The following NAALADL2 variants were observed in gnomAD, a reference collection of about 807,000 sequenced individuals.
The protein encoded by NAALADL2 is N-acetylated alpha-linked acidic dipeptidase like 2.
In NAALADL2, 76 loss-of-function variants were observed where a neutral mutation model predicts 87.2. The ratio of observed to expected loss-of-function variants is 0.87; its 90% CI spans 0.72 to 1.05. The LOEUF (loss-of-function observed/expected upper bound fraction) is 1.05, where lower values mean the gene tolerates loss of function less well. Among genes scored for constraint, NAALADL2 ranks in the 50% least tolerant of loss-of-function variants. The pLI, the probability that NAALADL2 is intolerant of heterozygous loss-of-function variation, is 0.00. For synonymous variants in NAALADL2, 354 were observed against 331.0 expected, an observed-to-expected ratio of 1.07 and a Z score of -0.75; for missense variants, 1,089 against 945.8, an observed-to-expected ratio of 1.15 and a Z score of -1.99.
At chr3:175,642,625 C>T (rs1021820913) in intron 11 of NAALADL2, among the ~76,000 whole-genome samples, 1 of 151,970 alleles carries the variant, frequency 6.6e-6, no homozygotes, top group Non-Finnish European at 1.5e-5. Flanking sequence ...CTCAGCCTCC[C>T]GAGTAGCTGG....
intron 1 of NAALADL2, among the ~76,000 whole-genome samples, chr3:174,916,090 A>G (rs1734343708): frequency 6.6e-6 from 1 of 152,192 alleles, no homozygotes; most frequent in South Asian, 2.1e-4. Flanking sequence ...AAAAGAAGGT[A>G]TACAAACAGC....
chr3:174,998,316 A>G (rs986687238), intron 1 of NAALADL2, among the ~76,000 whole-genome samples: 1 of 152,234 alleles, frequency 6.6e-6, no homozygotes, highest in South Asian at 2.1e-4. Context: ...CCATCCCACC[A>G]AACACTTACA....
intron 8 of NAALADL2, among the ~76,000 whole-genome samples, chr3:175,469,222 A>C (rs947078144): frequency 6.6e-6 from 1 of 152,112 alleles, no homozygotes; most frequent in African/African-American, 2.4e-5. Context: ...GTGTCTCACC[A>C]GATTGTTTCA....
chr3:174,470,123 T>G (rs1716808066), intron 1 of NAALADL2, among the ~76,000 whole-genome samples: 1 of 152,114 alleles, frequency 6.6e-6, no homozygotes, highest in Non-Finnish European at 1.5e-5. Context: ...CCACCAACAG[T>G]GTATAATTCC....
intron 2 of NAALADL2, among the ~76,000 whole-genome samples, chr3:174,667,871 T>G (rs1726123728): frequency 6.6e-6 from 1 of 152,054 alleles, no homozygotes; most frequent in South Asian, 2.1e-4. Context: ...AAAATAGTAA[T>G]TCATTTTACT....
chr3:175,100,309 G>A (rs1721914705), intron 2 of NAALADL2, among the ~76,000 whole-genome samples: 1 of 152,078 alleles, frequency 6.6e-6, no homozygotes, highest in African/African-American at 2.4e-5. Flanking sequence ...GCAAAAGCTA[G>A]GGAGAATGGA....
intron 11 of NAALADL2, among the ~76,000 whole-genome samples, chr3:175,704,171 A>G (rs548079690): frequency 2.1e-4 from 32 of 152,290 alleles, no homozygotes; most frequent in African/African-American, 7.5e-4. Context: ...TAGCTAATAT[A>G]TGAAAGAACC....
At chr3:174,855,341 C>T (rs1319287800), upstream of NAALADL2, among the ~76,000 whole-genome samples, 1 of 152,102 alleles carries the variant, frequency 6.6e-6, no homozygotes, top group Non-Finnish European at 1.5e-5. Context: ...TGTGTTTATT[C>T]AGTCCACCAT....
intron 2 of NAALADL2, among the ~76,000 whole-genome samples, chr3:174,553,787 C>G (rs1445594551): frequency 6.6e-6 from 1 of 152,108 alleles, no homozygotes; most frequent in East Asian, 1.9e-4. Flanking sequence ...GAGTTAGAGT[C>G]GTTTTCCATT....
chr3:174,506,122 C>T (rs1451680932), intron 1 of NAALADL2, among the ~76,000 whole-genome samples: 1 of 151,108 alleles, frequency 6.6e-6, no homozygotes, highest in African/African-American at 2.4e-5. Context: ...AAGATATAAT[C>T]ATATTTTATC....
chr3:175,513,834 G>A (rs764521487), intron 9 of NAALADL2, among the ~76,000 whole-genome samples: 6 of 152,180 alleles, frequency 3.9e-5, no homozygotes, highest in Admixed American at 1.3e-4. Context: ...TTTCTCCAAG[G>A]TCAAGGAGTC....
chr3:174,958,919 G>A (rs1415809505), intron 1 of NAALADL2, among the ~76,000 whole-genome samples: 1 of 152,012 alleles, frequency 6.6e-6, no homozygotes, highest in Non-Finnish European at 1.5e-5. Context: ...ACTTAGCAGT[G>A]CAATCAATTG....
intron 1 of NAALADL2, among the ~76,000 whole-genome samples, chr3:174,976,410 T>C (rs1051218547): frequency 4.6e-5 from 7 of 152,208 alleles, no homozygotes; most frequent in Admixed American, 4.6e-4. Flanking sequence ...ATTTGTTTAA[T>C]GTGTCTTCTT....
At chr3:174,524,617 T>C (rs1327527480) in intron 1 of NAALADL2, among the ~76,000 whole-genome samples, 1 of 151,918 alleles carries the variant, frequency 6.6e-6, no homozygotes, top group Non-Finnish European at 1.5e-5. Context: ...TCATTATAGC[T>C]CACTGCAGCC....
At chr3:175,581,613 A>G (rs902630324) in intron 10 of NAALADL2, among the ~76,000 whole-genome samples, 2 of 152,204 alleles carry the variant, frequency 1.3e-5, no homozygotes, top group Non-Finnish European at 2.9e-5. Context: ...TTGAAACTTA[A>G]TGAGTATTAG....
At chr3:174,687,654 T>G (rs1728171471) in intron 2 of NAALADL2, among the ~76,000 whole-genome samples, 2 of 152,252 alleles carry the variant, frequency 1.3e-5, no homozygotes, top group East Asian at 3.9e-4. Flanking sequence ...GTTTATTACC[T>G]TTGTTTCTAA....
chr3:174,606,296 A>G (rs56976934), intron 2 of NAALADL2, among the ~76,000 whole-genome samples: 3,106 of 152,342 alleles, frequency 0.02, 101 homozygotes, highest in African/African-American at 0.07. Context: ...GTTCCTCACC[A>G]GCAATGGAAC....
intron 4 of NAALADL2, among the ~76,000 whole-genome samples, chr3:175,258,316 CCCA>C (rs1336410929): frequency 4.9e-5 from 5 of 102,944 alleles, no homozygotes; most frequent in Non-Finnish European, 5.9e-5. Flanking sequence ...TCCCTCCGCC[CCCA>C]CCACCAAAAA....
chr3:175,588,350 C>T (rs765905596), intron 10 of NAALADL2, among the ~76,000 whole-genome samples: 1 of 151,298 alleles, frequency 6.6e-6, no homozygotes, highest in Non-Finnish European at 1.5e-5. Context: ...CTGTGAGGTA[C>T]TCAATACAGC....
Sources: gnomAD v4.1 joint callset for allele counts (sites outside exome capture counted in the v4.1 genomes callset) on GRCh38, gnomAD v4.1.1 for gene constraint, MANE v1.5 for transcripts, NCBI Gene and HGNC (gene_info 2026-07-23, HGNC 2026-07-21) for gene names.